Variants in SPATA31H1 observed in about 807,000 individuals in gnomAD.
SPATA31H1 encodes spermatogenesis-associated protein 31H1.
chr2:27,547,320 C>A, the SPATA31H1 span, among the ~76,000 whole-genome samples: 3 of 151,682 alleles, frequency 2.0e-5, no homozygotes, highest in African/African-American at 7.3e-5. Flanking sequence ...ATTACAGGTG[C>A]ACACCACCAT....
chr2:27,579,842 G>A, the SPATA31H1 span: 10 of 1,614,220 alleles, frequency 6.2e-6, no homozygotes, highest in South Asian at 1.1e-5. Context: ...AAGATCTGCA[G>A]CTAAAAATAG....
the SPATA31H1 span, chr2:27,566,501 G>T: frequency 7.9e-5 from 51 of 647,976 alleles, no homozygotes; most frequent in South Asian, 8.5e-4. Flanking sequence ...TTTTGTCTGT[G>T]GGGGTAGTTC....
At chr2:27,544,425 T>C in the SPATA31H1 span, among the ~76,000 whole-genome samples, 1 of 152,074 alleles carries the variant, frequency 6.6e-6, no homozygotes, top group African/African-American at 2.4e-5. Flanking sequence ...TAGTTTTGCC[T>C]GTTCTTGAAC....
chr2:27,552,714 T>C, the SPATA31H1 span, among the ~76,000 whole-genome samples: 4,119 of 152,122 alleles, frequency 0.027, 237 homozygotes, highest in African/African-American at 0.095. Flanking sequence ...TTCCAATCCA[T>C]GAACAAGGGA....
chr2:27,581,733 C>T, the SPATA31H1 span: 1 of 1,613,212 alleles, frequency 6.2e-7, no homozygotes, highest in Non-Finnish European at 8.5e-7. Context: ...CCATCGCAGT[C>T]CCGCTCGGAG....
chr2:27,554,388 C>T, the SPATA31H1 span, among the ~76,000 whole-genome samples: 1 of 151,952 alleles, frequency 6.6e-6, no homozygotes, highest in Non-Finnish European at 1.5e-5. Flanking sequence ...AACAAAATAT[C>T]ATTAACTGGG....
the SPATA31H1 span, among the ~76,000 whole-genome samples, chr2:27,565,178 T>G: frequency 2.0e-5 from 3 of 152,254 alleles, no homozygotes; most frequent in African/African-American, 7.2e-5. Flanking sequence ...TTTATATGTT[T>G]GTTACGGCAT....
the SPATA31H1 span, chr2:27,581,718 A>G: frequency 1.4e-5 from 22 of 1,613,410 alleles, 1 homozygote; most frequent in African/African-American, 1.5e-4. Flanking sequence ...TCCCTCTAAG[A>G]GAAGCCATCG....
chr2:27,540,011 G>C, the SPATA31H1 span, among the ~76,000 whole-genome samples: 8 of 130,998 alleles, frequency 6.1e-5, no homozygotes, highest in African/African-American at 1.7e-4. Context: ...TGGCCGGGCG[G>C]GGGGCTGACC....
At chr2:27,544,322 A>G in the SPATA31H1 span, among the ~76,000 whole-genome samples, 1 of 151,994 alleles carries the variant, frequency 6.6e-6, no homozygotes. Context: ...TGGCATAGCC[A>G]TAACCCTGAA....
At chr2:27,575,665 G>A in the SPATA31H1 span, 73 of 398,508 alleles carry the variant, frequency 1.8e-4, 1 homozygote, top group South Asian at 6.2e-3. This position sits in a 1 kb window ranked among gnomAD's most constrained non-coding sequence, Gnocchi z 4.1. Flanking sequence ...CCACATCAGT[G>A]TGTAAATTCT....
the SPATA31H1 span, among the ~76,000 whole-genome samples, chr2:27,555,908 CG>C: frequency 6.6e-6 from 1 of 151,742 alleles, no homozygotes; most frequent in Non-Finnish European, 1.5e-5. Context: ...CTGAGGCGAG[CG>C]GATCATGAGG....
the SPATA31H1 span, among the ~76,000 whole-genome samples, chr2:27,539,625 C>T: frequency 1.8e-5 from 2 of 110,874 alleles, no homozygotes; most frequent in South Asian, 3.2e-4. Flanking sequence ...CCCAATGAGC[C>T]GCTGGGCACA....
At chr2:27,579,160 T>C in the SPATA31H1 span, 3 of 1,614,076 alleles carry the variant, frequency 1.9e-6, no homozygotes, top group African/African-American at 4.0e-5. Context: ...CAGAAAGGTC[T>C]CATCAAGTCT....
At chr2:27,551,899 T>C in the SPATA31H1 span, among the ~76,000 whole-genome samples, 7 of 151,874 alleles carry the variant, frequency 4.6e-5, 1 homozygote, top group African/African-American at 1.7e-4. Context: ...CACTGCAACC[T>C]CCGCCTCCTG....
chr2:27,545,549 A>G, the SPATA31H1 span, among the ~76,000 whole-genome samples: 2 of 150,884 alleles, frequency 1.3e-5, no homozygotes, highest in African/African-American at 4.9e-5. Flanking sequence ...CTTCTTGCCA[A>G]CACTTGGCAT....
the SPATA31H1 span, chr2:27,576,018 G>A: frequency 2.5e-6 from 1 of 398,742 alleles, no homozygotes; most frequent in Non-Finnish European, 4.4e-6. Context: ...ATTGACTCCA[G>A]GGTCAAAGCT....
At chr2:27,580,243 C>T in the SPATA31H1 span, 27 of 1,614,046 alleles carry the variant, frequency 1.7e-5, no homozygotes, top group African/African-American at 4.0e-5. Context: ...CCTTCCCAGT[C>T]CCCTGCTCCT....
the SPATA31H1 span, chr2:27,577,538 C>T: frequency 6.2e-7 from 1 of 1,614,106 alleles, no homozygotes; most frequent in Non-Finnish European, 8.5e-7. The surrounding 1 kb of genome is among the most constrained non-coding windows in gnomAD (Gnocchi z 4.5). Context: ...TGGAGGTGAT[C>T]TCTGAGAAAA....
Sources: allele counts gnomAD v4.1 joint callset (sites outside exome capture counted in the v4.1 genomes callset), GRCh38; gene constraint gnomAD v4.1.1; non-coding constraint Gnocchi (gnomAD v3.1); transcripts MANE v1.5; gene names NCBI Gene and HGNC (gene_info 2026-07-23, HGNC 2026-07-21).